Variants in CHN2 observed in about 807,000 individuals in gnomAD.
CHN2 encodes the protein chimerin 2, also known as beta-chimaerin.
In CHN2, 35 loss-of-function variants were observed where a neutral mutation model predicts 56.3. That is an observed-to-expected ratio of 0.62 (90% confidence interval 0.47 to 0.82). The LOEUF (loss-of-function observed/expected upper bound fraction) is 0.82, where lower values mean the gene tolerates loss of function less well. CHN2 is among the 40% of genes least tolerant of loss of function. CHN2 has a pLI of 0.00. For missense variants in CHN2, 491 were observed against 580.5 expected, an observed-to-expected ratio of 0.85 and a Z score of 1.58; for synonymous variants, 210 against 212.8, an observed-to-expected ratio of 0.99 and a Z score of 0.12.
intron 1 of CHN2, among the ~76,000 whole-genome samples, chr7:29,327,027 C>G (rs777948911): frequency 9.2e-5 from 14 of 152,094 alleles, no homozygotes; most frequent in African/African-American, 1.4e-4. Flanking sequence ...ATCTGAGAAC[C>G]AAGGCTATTA....
intron 3 of CHN2, among the ~76,000 whole-genome samples, chr7:29,378,987 T>C (rs1193068384): frequency 6.6e-6 from 1 of 151,528 alleles, no homozygotes; most frequent in Admixed American, 6.6e-5. Flanking sequence ...AGAAAAAGAG[T>C]GGGTTAATAT....
chr7:29,473,014 A>G lies in CHN2; in HGVS notation c.577-7265A>G, dbSNP rs115759327. ...CATAATTTTAAAATCATACTAATAT[A>G]CATCCAGGTGTGTGTATACATTCTC... On this transcript the variant is annotated intron_variant, in intron 6 of 12. Coordinates refer to ENST00000222792, the MANE Select transcript of CHN2 (RefSeq NM_004067.4). 1.9e-3 allele frequency among the ~76,000 whole-genome samples: 293 copies of G among 152,318 alleles called. 1 individual carries two copies. Among genetic ancestry groups the G allele is most frequent in the African/African-American group, 5.6e-3 (232 of 41,580 alleles).
Position 29,300,476 on chromosome 7 carries a change from T to G in CHN2, c.50-54149T>G, listed in dbSNP as rs538493652. On this transcript the variant is annotated intron_variant, in intron 1 of 12. Transcript: ENST00000222792. ...GACACTGGCTTCTGAATGGACAATC[T>G]TGGGAAAACATTGCCCTTTTATATT... 3.2e-4 allele frequency among the ~76,000 whole-genome samples: 49 copies of G among 152,276 alleles called. 2 individuals are homozygous for G. In the South Asian group the frequency reaches 8.7e-3, roughly 27 times the overall value.
At chr7:29,391,076 CTCTT>C (rs1321759343) in intron 3 of CHN2, among the ~76,000 whole-genome samples, 2 of 152,126 alleles carry the variant, frequency 1.3e-5, no homozygotes, top group Admixed American at 6.5e-5. Flanking sequence ...CTCTCTCTCT[CTCTT>C]TGACATTAAC....
intron 3 of CHN2, among the ~76,000 whole-genome samples, chr7:29,370,671 G>T (rs572163807): frequency 6.6e-6 from 1 of 152,236 alleles, no homozygotes; most frequent in South Asian, 2.1e-4. Context: ...GGACCTGCCA[G>T]TTCAACGTGA....
At position 29,509,311 on chromosome 7, in the gene CHN2, T is replaced by A; in HGVS notation, c.1140T>A (p.Asn380Lys). The change falls in exon 12 of 13, where the codon AAT (asparagine) becomes AAA (lysine). Residue 380 changes from asparagine to lysine, a missense_variant. Coordinates refer to ENST00000222792, the MANE Select transcript of CHN2 (RefSeq NM_004067.4). ...GCGTGAACTTCACAGAAATCTCCAATGCAGATGAGAGGCTGGAAGCCGTCC... is the reference window on the plus strand; with the variant it reads ...GCGTGAACTTCACAGAAATCTCCAAAGCAGATGAGAGGCTGGAAGCCGTCC... ...SKFIDAAKIS[N>K]ADERLEAVHE... 6.2e-7 allele frequency: 1 copy of A among 1,613,690 alleles called. No homozygotes were observed. The highest frequency in any genetic ancestry group is 8.5e-7 in the Non-Finnish European group (1 of 1,179,620).
At chr7:29,429,005 A>G (rs573752992) in intron 6 of CHN2, among the ~76,000 whole-genome samples, 2 of 152,274 alleles carry the variant, frequency 1.3e-5, no homozygotes, top group South Asian at 2.1e-4. Context: ...GTAGCACATC[A>G]TTTCCACTCG....
chr7:29,258,686 C>T (rs1789276027), intron 1 of CHN2, among the ~76,000 whole-genome samples: 2 of 152,088 alleles, frequency 1.3e-5, no homozygotes, highest in South Asian at 4.2e-4. Context: ...ATAAATATGC[C>T]TGCTACAAAA....
chr7:29,333,727 T>G (rs764888458), intron 1 of CHN2, among the ~76,000 whole-genome samples: 1 of 152,136 alleles, frequency 6.6e-6, no homozygotes, highest in Non-Finnish European at 1.5e-5. Flanking sequence ...GCTGGAGACT[T>G]CTTTCTGGTT....
At chr7:29,242,370 C>A (rs1382805139) in intron 1 of CHN2, among the ~76,000 whole-genome samples, 1 of 152,146 alleles carries the variant, frequency 6.6e-6, no homozygotes, top group Non-Finnish European at 1.5e-5. Flanking sequence ...ACCAGAGACC[C>A]CACCTTAATT....
intron 2 of CHN2, among the ~76,000 whole-genome samples, chr7:29,175,148 C>T (rs1380313973): frequency 6.6e-6 from 1 of 151,336 alleles, no homozygotes; most frequent in Non-Finnish European, 1.5e-5. Flanking sequence ...GAATAAGTCT[C>T]ATGAGATGTG....
intron 1 of CHN2, among the ~76,000 whole-genome samples, chr7:29,266,197 C>G (rs1790129426): frequency 6.6e-6 from 1 of 152,172 alleles, no homozygotes; most frequent in Non-Finnish European, 1.5e-5. Flanking sequence ...CACCATTGGG[C>G]CTTCCTCACT....
chr7:29,330,447 CT>C lies in CHN2; in HGVS notation c.50-24176del, dbSNP rs1392676494. ...AACGTAAGAAAAAGAGAGTCCCCCG[CT>C]TAGATGGTTTTTATTTATTTATTGC... On this transcript the variant is annotated intron_variant, in intron 1 of 12. Transcript: ENST00000222792. Among the ~76,000 whole-genome samples the C allele has an allele frequency of 2.0e-5, 3 of 152,282 alleles. No homozygotes were observed. In the East Asian group the frequency reaches 5.8e-4, roughly 29 times the overall value.
chr7:29,438,993 C>A (rs1272379549), intron 6 of CHN2, among the ~76,000 whole-genome samples: 1 of 152,172 alleles, frequency 6.6e-6, no homozygotes, highest in Non-Finnish European at 1.5e-5. Flanking sequence ...ACCAGAGATG[C>A]CTGTTTACCT....
At chr7:29,211,670 A>G (rs1436216053) in intron 1 of CHN2, among the ~76,000 whole-genome samples, 1 of 152,214 alleles carries the variant, frequency 6.6e-6, no homozygotes, top group Non-Finnish European at 1.5e-5. Context: ...AAATTGGTCC[A>G]GAACTCCAAA....
intron 6 of CHN2, among the ~76,000 whole-genome samples, chr7:29,456,393 C>G (rs1784751030): frequency 6.6e-6 from 1 of 151,388 alleles, no homozygotes; most frequent in African/African-American, 2.4e-5. Flanking sequence ...TTCATGTGGC[C>G]TGGCCCAGCC....
At chr7:29,409,257 G>C (rs1008569824) in intron 6 of CHN2, among the ~76,000 whole-genome samples, 1 of 152,124 alleles carries the variant, frequency 6.6e-6, no homozygotes, top group East Asian at 1.9e-4. Context: ...ACTCTTTAAA[G>C]TTACTGAGGA....
intron 2 of CHN2, among the ~76,000 whole-genome samples, chr7:29,355,696 A>G (rs902920265): frequency 2.0e-5 from 3 of 151,362 alleles, no homozygotes; most frequent in Non-Finnish European, 2.9e-5. Context: ...CTCCCCATCA[A>G]GAACCTGCCC....
At chr7:29,256,625 G>A (rs1562869707) in intron 1 of CHN2, among the ~76,000 whole-genome samples, 2 of 152,152 alleles carry the variant, frequency 1.3e-5, no homozygotes, top group Non-Finnish European at 1.5e-5. Context: ...TGGTGCTCAT[G>A]GATCATTTGT....
Sources: allele counts gnomAD v4.1 joint callset (sites outside exome capture counted in the v4.1 genomes callset), GRCh38; gene constraint gnomAD v4.1.1; transcripts MANE v1.5; gene names NCBI Gene and HGNC (gene_info 2026-07-23, HGNC 2026-07-21).